The following UGT1A5 variants were observed in gnomAD, a reference collection of about 807,000 sequenced individuals.
The protein encoded by UGT1A5 is UDP glucuronosyltransferase family 1 member A5, also known as UDP-glucuronosyltransferase 1A5.
A neutral mutation model predicts 40.3 loss-of-function variants in UGT1A5; 29 were observed. The ratio of observed to expected loss-of-function variants is 0.72; its 90% CI spans 0.54 to 0.98. The LOEUF (loss-of-function observed/expected upper bound fraction) is 0.98. UGT1A5 is among the 50% of genes least tolerant of loss of function. The pLI is 0.00. For missense variants in UGT1A5, 678 were observed against 677.9 expected (o/e 1.00, Z 0.00); for synonymous variants, 257 against 262.5 (o/e 0.98, Z 0.20).
In UGT1A5 at chr2:233,760,405, T is replaced by C. The variant is rs1183811071; in HGVS notation, c.868-6629T>C. On this transcript the variant is annotated intron_variant, in intron 1 of 4. Transcript: ENST00000373414. Reference sequence around the variant, plus strand: ...GTTGATCCCAGTGGATGGCAGCCACTGGCTGAGCATGCTTGGGGCCATCCA... The same window carrying C: ...GTTGATCCCAGTGGATGGCAGCCACCGGCTGAGCATGCTTGGGGCCATCCA... 1.5e-5 allele frequency: 24 copies of C among 1,614,126 alleles called. No homozygotes were observed. Among genetic ancestry groups the C allele is most frequent in the Non-Finnish European group, 1.9e-5 (22 of 1,180,052 alleles).
At chr2:233,726,786 A>G (rs1000818718) in intron 1 of UGT1A5, among the ~76,000 whole-genome samples, 1 of 152,242 alleles carries the variant, frequency 6.6e-6, no homozygotes, top group Non-Finnish European at 1.5e-5. Context: ...TGAAACCCAC[A>G]TCTTATTCAA....
intron 1 of UGT1A5, among the ~76,000 whole-genome samples, chr2:233,745,103 T>C (rs1575669883): frequency 2.6e-5 from 4 of 152,036 alleles, no homozygotes; most frequent in Middle Eastern, 3.4e-3. Flanking sequence ...CAAATATTTT[T>C]AATCTGCTGT....
intron 1 of UGT1A5, chr2:233,719,479 T>A: frequency 1.9e-6 from 3 of 1,614,024 alleles, no homozygotes; most frequent in Non-Finnish European, 2.5e-6. Flanking sequence ...CCTCTGGCCC[T>A]GTCCTACATT....
chr2:233,723,771 G>A (rs1183544101), intron 1 of UGT1A5, among the ~76,000 whole-genome samples: 1 of 58,926 alleles, frequency 1.7e-5, no homozygotes, highest in Non-Finnish European at 2.9e-5. Flanking sequence ...GTTTAACAAA[G>A]CACATCTTGC....
At chr2:233,732,616 A>G (rs1187431518) in intron 1 of UGT1A5, among the ~76,000 whole-genome samples, 2 of 152,194 alleles carry the variant, frequency 1.3e-5, no homozygotes, top group African/African-American at 4.8e-5. Flanking sequence ...AAATGGTTGT[A>G]GATGTGTGGT....
At chr2:233,731,855 G>A (rs1025455629) in intron 1 of UGT1A5, among the ~76,000 whole-genome samples, 3 of 152,256 alleles carry the variant, frequency 2.0e-5, no homozygotes, top group African/African-American at 2.4e-5. Flanking sequence ...TTGAGGAATC[G>A]CCACACTGTC....
intron 1 of UGT1A5, among the ~76,000 whole-genome samples, chr2:233,759,493 G>T (rs1697150879): frequency 6.6e-6 from 1 of 152,220 alleles, no homozygotes; most frequent in South Asian, 2.1e-4. Flanking sequence ...GCTCTTTCAG[G>T]TTCACACTAA....
chr2:233,718,922 GC>G (rs1473563320), intron 1 of UGT1A5: 1 of 1,614,124 alleles, frequency 6.2e-7, no homozygotes, highest in East Asian at 2.2e-5. Context: ...TGTTGGTGGT[GC>G]CCACTGATGG....
At chr2:233,718,205 T>A (rs2076639631) in intron 1 of UGT1A5, among the ~76,000 whole-genome samples, 2 of 152,198 alleles carry the variant, frequency 1.3e-5, no homozygotes, top group Non-Finnish European at 2.9e-5. Flanking sequence ...AGCTTTTTTT[T>A]ATATTGACAG....
intron 1 of UGT1A5, chr2:233,729,228 G>A (rs752170717): frequency 1.9e-6 from 3 of 1,614,046 alleles, no homozygotes; most frequent in South Asian, 1.1e-5. Context: ...TGTTGGTGGT[G>A]CCCATTGATG....
intron 1 of UGT1A5, among the ~76,000 whole-genome samples, chr2:233,734,862 C>T (rs1280168224): frequency 6.6e-6 from 1 of 152,224 alleles, no homozygotes; most frequent in Admixed American, 6.5e-5. Flanking sequence ...AATTTGACTG[C>T]ACTATGGTCT....
chr2:233,727,623 G>T (rs2077633696), intron 1 of UGT1A5, among the ~76,000 whole-genome samples: 1 of 152,148 alleles, frequency 6.6e-6, no homozygotes. Flanking sequence ...AGGCTGAGAG[G>T]TTGCACCCAC....
At chr2:233,745,468 A>C (rs991715539) in intron 1 of UGT1A5, among the ~76,000 whole-genome samples, 2 of 151,704 alleles carry the variant, frequency 1.3e-5, no homozygotes, top group African/African-American at 4.9e-5. Context: ...TCTAAGGGGA[A>C]AATGATTAAC....
rs1040596623 is a variant in UGT1A5, at chr2:233,743,965, G to C, written c.868-23069G>C. ...CAGGCACTGGCACAGCGAGCGGCAA[G>C]GCTGCCAGCACCCAGGCGCAGGCCC... On this transcript the variant is annotated intron_variant, in intron 1 of 4. Transcript: ENST00000373414. 3 of 1,330,116 alleles carry C rather than the reference G, an allele frequency of 2.3e-6. No homozygotes were observed. The African/African-American group carries it at 4.5e-5, about 20-fold the overall frequency. 82.4% of individuals were successfully genotyped at this position (1,330,116 alleles called of 1,614,324 possible). A position where few individuals can be genotyped will look rare whatever the true frequency, so the allele number is the denominator to read the frequency against.
chr2:233,717,905 A>C (rs2076614960), intron 1 of UGT1A5: 1 of 454,688 alleles, frequency 2.2e-6, no homozygotes, highest in Non-Finnish European at 4.4e-6. Context: ...AGGATGAAAT[A>C]AAGGCCTGGA....
chr2:233,733,189 C>T (rs2078364598), intron 1 of UGT1A5, among the ~76,000 whole-genome samples: 1 of 152,198 alleles, frequency 6.6e-6, no homozygotes, highest in African/African-American at 2.4e-5. Context: ...AGTTGCTTAT[C>T]AGCTTAAGGA....
In UGT1A5 at chr2:233,733,060, C is replaced by G. The variant is rs187398935; in HGVS notation, c.867+19202C>G. Among the ~76,000 whole-genome samples the G allele has an allele frequency of 7.2e-5, 11 of 152,200 alleles. No individual in the cohort carries two copies. The East Asian group carries it at 2.1e-3, about 29-fold the overall frequency. ...AAGTTGGATTCCTAGGTATTTTATT[C>G]TCTTTGTAGCAATTGTGAATGGGAG... is the stretch of plus-strand genomic sequence containing the variant. On this transcript the variant is annotated intron_variant, in intron 1 of 4. Transcript: ENST00000373414.
chr2:233,739,271 C>T lies in UGT1A5; in HGVS notation c.867+25413C>T, dbSNP rs541301086. ...GTGGTAAAGAAATGTGAGGTTGGAG[C>T]CCCCACACAGAGTCTCCACTGGGGC... On this transcript the variant is annotated intron_variant, in intron 1 of 4. Coordinates refer to ENST00000373414, the MANE Select transcript of UGT1A5 (RefSeq NM_019078.2). Among the ~76,000 whole-genome samples, 6 of 152,262 alleles carry T rather than the reference C, an allele frequency of 3.9e-5. No individual in the cohort carries two copies. The East Asian group carries it at 1.2e-3, about 29-fold the overall frequency.
intron 1 of UGT1A5, among the ~76,000 whole-genome samples, chr2:233,757,535 A>AATATATATACATATACATATATAC (rs376887521): frequency 2.4e-4 from 21 of 88,296 alleles, no homozygotes; most frequent in African/African-American, 1.1e-3. Context: ...GCCTGTAAGG[A>AATATATATACATATACATATATAC]ATATATATAT....
Sources: gnomAD v4.1 joint callset for allele counts (sites outside exome capture counted in the v4.1 genomes callset) on GRCh38, gnomAD v4.1.1 for gene constraint, MANE v1.5 for transcripts, NCBI Gene and HGNC (gene_info 2026-07-23, HGNC 2026-07-21) for gene names.